Variants in UBAP1L observed in about 807,000 individuals in gnomAD.
UBAP1L encodes ubiquitin-associated protein 1-like.
In UBAP1L, 32 loss-of-function variants were observed where a neutral mutation model predicts 32.1. The ratio of observed to expected loss-of-function variants is 1.00; its 90% CI spans 0.75 to 1.34. The LOEUF is 1.34. Among genes scored for constraint, UBAP1L ranks in the 40% most tolerant of loss-of-function variants. The pLI is 0.00. For synonymous variants in UBAP1L, 243 were observed against 250.2 expected, an observed-to-expected ratio of 0.97 and a Z score of 0.27; for missense variants, 516 against 540.5, an observed-to-expected ratio of 0.95 and a Z score of 0.45.
rs547573289 is a variant in UBAP1L, at chr15:65,093,334, C to T, written c.1012-103G>A. 1.4e-5 allele frequency: 19 copies of T among 1,381,720 alleles called. No individual in the cohort carries two copies. The African/African-American group carries it at 2.5e-4, about 18-fold the overall frequency. 85.6% of individuals were successfully genotyped at this position (1,381,720 alleles called of 1,614,324 possible). A position where few individuals can be genotyped will look rare whatever the true frequency, so the allele number is the denominator to read the frequency against. On this transcript the variant is annotated intron_variant, in intron 5 of 5. Coordinates refer to ENST00000559089, the MANE Select transcript of UBAP1L (RefSeq NM_001163692.2). ...GCCTACTGCACCTAGTCCCAAAAAG[C>T]TGTGGCTACCCCCAGGCCACGTGAG...
At chr15:65,112,268 G>C (rs1319409681) in intron 1 of UBAP1L, among the ~76,000 whole-genome samples, 1 of 152,210 alleles carries the variant, frequency 6.6e-6, no homozygotes, top group Non-Finnish European at 1.5e-5. Flanking sequence ...CTGGGAAGCA[G>C]TACGAAGTAA....
intron 4 of UBAP1L, chr15:65,099,165 C>T: frequency 1.2e-4 from 34 of 279,586 alleles, no homozygotes; most frequent in Admixed American, 2.4e-4. Context: ...GATGTTCCAT[C>T]CACACACCCT....
At chr15:65,110,684 CAAAAAAAA>C (rs71136313) in intron 1 of UBAP1L, among the ~76,000 whole-genome samples, 1 of 63,112 alleles carries the variant, frequency 1.6e-5, no homozygotes, top group Non-Finnish European at 3.2e-5. Flanking sequence ...GACTCTGTCT[CAAAAAAAA>C]AAAAAAAAAA....
intron 4 of UBAP1L, chr15:65,096,053 C>A (rs2087170053): frequency 6.6e-6 from 1 of 152,170 alleles, no homozygotes; most frequent in Admixed American, 6.5e-5. Flanking sequence ...CATTTAATGC[C>A]TTGTCCATCA....
In UBAP1L at chr15:65,106,327, TC is replaced by T; in HGVS notation, c.-113del. 1 of 1,281,090 alleles carries T rather than the reference TC, an allele frequency of 7.8e-7. No individual in the cohort carries two copies. Among genetic ancestry groups the T allele is most frequent in the South Asian group, 1.8e-5 (1 of 57,064 alleles). 79.4% of individuals were successfully genotyped at this position (1,281,090 alleles called of 1,614,324 possible). A position where few individuals can be genotyped will look rare whatever the true frequency, so the allele number is the denominator to read the frequency against. ...CAGGCCTCAAATGGCCTCACTGCTC[TC>T]CTGTGTGGTCACTTAGCTGAGCCCC... On this transcript the variant is annotated 5_prime_UTR_variant, in exon 2 of 6. Coordinates refer to ENST00000559089, the MANE Select transcript of UBAP1L (RefSeq NM_001163692.2).
intron 4 of UBAP1L, chr15:65,097,345 G>C (rs973112365): frequency 6.6e-6 from 1 of 152,378 alleles, no homozygotes; most frequent in Non-Finnish European, 1.5e-5. Flanking sequence ...CTCCTGACCA[G>C]CTTTTTGGCC....
Position 65,099,493 on chromosome 15 carries a change from C to G in UBAP1L, c.909+12G>C, listed in dbSNP as rs144408751. ...GCATCACAGCTCATCAGCTCTGGGT[C>G]CCCCAACTCACCTGGCTCAGGCTCT... On this transcript the variant is annotated intron_variant, in intron 4 of 5. Transcript: ENST00000559089. The G allele has an allele frequency of 2.4e-4, 378 of 1,548,886 alleles. 1 individual carries two copies. Among genetic ancestry groups the G allele is most frequent in the South Asian group, 1.6e-3 (132 of 83,916 alleles).
In UBAP1L at chr15:65,102,291, G is replaced by A. The variant is rs1370809269; in HGVS notation, c.514C>T (p.Arg172Cys). ...LSEGKLVSRP[R>C]ALLHGLRGHR... ...CCGCGGAGGCCATGCAGGAGGGCGC[G>A]GGGCCGGGAGACCAGCTTCCCCTCG... Residue 172 changes from arginine to cysteine, a missense_variant, in exon 3 of 6, where the codon CGC (arginine) becomes TGC (cysteine). Arg to Cys is a radical substitution (Grantham distance 180). Coordinates refer to ENST00000559089, the MANE Select transcript of UBAP1L (RefSeq NM_001163692.2). This position sits in a 1 kb window ranked among gnomAD's most constrained non-coding sequence, Gnocchi z 5.0. 7.9e-6 allele frequency: 11 copies of A among 1,398,066 alleles called. No individual in the cohort carries two copies. Among genetic ancestry groups the A allele is most frequent in the Admixed American group, 3.4e-5 (1 of 29,490 alleles). The allele number at this position is 1,398,066 out of a possible 1,614,324, so 86.6% of individuals were successfully genotyped here.
In UBAP1L at chr15:65,094,596, A is replaced by AGAGG. The variant is rs1455892213; in HGVS notation, c.910-24_910-21dup. 18 of 1,537,878 alleles carry AGAGG rather than the reference A, an allele frequency of 1.2e-5. No homozygotes were observed. The Admixed American group carries it at 3.5e-4, about 30-fold the overall frequency. On this transcript the variant is annotated intron_variant, in intron 4 of 5. Coordinates refer to ENST00000559089, the MANE Select transcript of UBAP1L (RefSeq NM_001163692.2). This position sits in a 1 kb window ranked among gnomAD's most constrained non-coding sequence, Gnocchi z 4.2. ...GAGAAACTGGGCCGGAAGCGGGCAG[A>AGAGG]GAGGGAGGGAGGGTAAGAGGAGCAG...
chr15:65,112,743 A>G (rs1317872402), intron 1 of UBAP1L, among the ~76,000 whole-genome samples: 6 of 152,078 alleles, frequency 3.9e-5, no homozygotes, highest in East Asian at 1.9e-4. Flanking sequence ...CTCAAACTCA[A>G]CGTATCAAAG....
chr15:65,101,062 T>G (rs969901284), intron 3 of UBAP1L: 1 of 152,370 alleles, frequency 6.6e-6, no homozygotes, highest in African/African-American at 2.4e-5. Context: ...GGTTGTTGGC[T>G]CACAGTGCAG....
At chr15:65,107,567 C>T (rs767128585) in intron 1 of UBAP1L, among the ~76,000 whole-genome samples, 1 of 151,492 alleles carries the variant, frequency 6.6e-6, no homozygotes, top group Non-Finnish European at 1.5e-5. Flanking sequence ...GGTGAAACCC[C>T]GTCTCTACTA....
At chr15:65,106,030 C>A (rs2087305971) in intron 2 of UBAP1L, 66 bp downstream of exon 2, 1 of 1,535,508 alleles carries the variant, frequency 6.5e-7, no homozygotes, top group African/African-American at 1.4e-5. Flanking sequence ...ATTCAAGGAA[C>A]AAGGCCCCAT....
chr15:65,099,539 G>A lies in UBAP1L; in HGVS notation c.875C>T (p.Ala292Val). The change falls in exon 4 of 6, where the codon GCT becomes GTT. Residue 292 changes from alanine (A) to valine (V), a missense_variant. Physicochemically the swap from Ala to Val is moderately conservative, Grantham distance 64 (BLOSUM62 0). Transcript: ENST00000559089. ...GCTCTGCCTCCCTGTCTTCTGCAGA[G>A]CTATGATGGCCCTTCGCAGGGGATA... is the stretch of plus-strand genomic sequence containing the variant. ...LGYPLRRAII[A>V]LQKTGRQSLS... is the part of the protein sequence containing the mutation. 6 of 1,551,124 alleles carry A rather than the reference G, an allele frequency of 3.9e-6. No individual in the cohort carries two copies. The highest frequency in any genetic ancestry group is 5.2e-6 in the Non-Finnish European group (6 of 1,146,922).
rs1362752045 is a variant in UBAP1L at position 65,102,647 on chromosome 15, A to T, written c.158T>A (p.Val53Glu). Residue 53 changes from valine (V) to glutamate (E), a missense_variant, in exon 3 of 6, where the codon GTG becomes GAG. Val to Glu is a moderately radical substitution (Grantham distance 121, BLOSUM62 -2). Transcript: ENST00000559089. This position sits in a 1 kb window ranked among gnomAD's most constrained non-coding sequence, Gnocchi z 5.0. ...FSLERTALFW[V>E]EAAGQGPSPY... ...GCTGGGTCCCTGGCCGGCGGCCTCC[A>T]CCCAGAAGAGTGCCGTCCTCTCCAG... The T allele has an allele frequency of 2.6e-6, 4 of 1,548,834 alleles. No individual in the cohort carries two copies. The highest frequency in any genetic ancestry group is 2.7e-5 in the African/African-American group (2 of 72,978).
intron 1 of UBAP1L, among the ~76,000 whole-genome samples, chr15:65,107,156 A>C (rs1279010813): frequency 6.6e-6 from 1 of 152,034 alleles, no homozygotes; most frequent in African/African-American, 2.4e-5. Context: ...AAATTATATA[A>C]TTATATAGCT....
At chr15:65,105,536 G>C (rs2087299122) in intron 2 of UBAP1L, 6 of 509,958 alleles carry the variant, frequency 1.2e-5, no homozygotes, top group South Asian at 1.1e-4. Flanking sequence ...CTGTGAAAAT[G>C]GTTCACCATT....
At chr15:65,113,576 CCT>C (rs2087383424) in intron 1 of UBAP1L, among the ~76,000 whole-genome samples, 1 of 152,176 alleles carries the variant, frequency 6.6e-6, no homozygotes, top group African/African-American at 2.4e-5. Context: ...GGCAAAACCC[CCT>C]CTTTACTAAA....
At chr15:65,105,817 A>G in intron 2 of UBAP1L, 1 of 710,174 alleles carries the variant, frequency 1.4e-6, no homozygotes, top group South Asian at 1.4e-5. Flanking sequence ...TTTGAGACGA[A>G]GTCTCACTCT....
Sources: gnomAD v4.1 joint callset for allele counts (sites outside exome capture counted in the v4.1 genomes callset) on GRCh38, gnomAD v4.1.1 for gene constraint, Gnocchi (gnomAD v3.1) non-coding constraint, MANE v1.5 for transcripts, NCBI Gene and HGNC (gene_info 2026-07-23, HGNC 2026-07-21) for gene names.